The following MRTFA variants were observed in gnomAD, a reference collection of about 807,000 sequenced individuals.
The protein encoded by MRTFA is myocardin related transcription factor A.
In MRTFA, 20 loss-of-function variants were observed where a neutral mutation model predicts 83.5. The ratio of observed to expected loss-of-function variants is 0.24; its 90% CI spans 0.17 to 0.35. MRTFA has a LOEUF of 0.35. Among genes scored for constraint, MRTFA ranks in the 10% least tolerant of loss-of-function variants. The pLI is 1.00. For synonymous variants in MRTFA, 659 were observed against 541.2 expected, an observed-to-expected ratio of 1.22 and a Z score of -3.02; for missense variants, 1,200 against 1,224.7, an observed-to-expected ratio of 0.98 and a Z score of 0.30.
chr22:40,417,364 T>A lies in MRTFA; in HGVS notation c.2494A>T (p.Met832Leu). The A allele has an allele frequency of 1.2e-6, 2 of 1,611,480 alleles. No individual in the cohort carries two copies. Among genetic ancestry groups the A allele is most frequent in the Non-Finnish European group, 1.7e-6 (2 of 1,179,738 alleles). Residue 832 changes from methionine to leucine, a missense_variant, in exon 13 of 15, where the codon ATG becomes TTG. By Grantham distance (15) the Met-to-Leu change is conservative (BLOSUM62 2). This residue lies in a region of MRTFA where 1,107 missense variants were observed against 1,041.8 expected (regional missense o/e 1.06). Coordinates refer to ENST00000355630, the MANE Select transcript of MRTFA (RefSeq NM_020831.6). ...ACCTGCTGTTTGGGCTGCTGGCTCA[T>A]GGCTTCCTCATAGCCAGGTGGTTCC...
intron 3 of MRTFA, among the ~76,000 whole-genome samples, chr22:40,480,418 CCT>C (rs1374291724): frequency 6.6e-6 from 1 of 151,964 alleles, no homozygotes; most frequent in Non-Finnish European, 1.5e-5. Context: ...CACCCCCACT[CCT>C]CTGTTTTAAA....
intron 3 of MRTFA, among the ~76,000 whole-genome samples, chr22:40,549,428 C>T (rs189065940): frequency 6.6e-6 from 1 of 152,230 alleles, no homozygotes. Context: ...CACAATTCAA[C>T]ATAAACAAAT....
At chr22:40,419,458 T>C in intron 11 of MRTFA, 74 bp from the exon 12 acceptor site, 1 of 1,420,336 alleles carries the variant, frequency 7.0e-7, no homozygotes, top group Non-Finnish European at 9.7e-7. Flanking sequence ...AGAAGGGCAG[T>C]CTGGGCCCCA....
chr22:40,534,413 G>A (rs893743499), intron 3 of MRTFA, among the ~76,000 whole-genome samples: 3 of 152,098 alleles, frequency 2.0e-5, no homozygotes, highest in Non-Finnish European at 2.9e-5. Flanking sequence ...TTAGACATAC[G>A]GTCTGTGAAT....
rs551594292 is a variant in MRTFA at position 40,492,741 on chromosome 22, G to C, written c.242-29455C>G. On this transcript the variant is annotated intron_variant, in intron 3 of 14. Transcript: ENST00000355630. ...AGATAAAAGATACCAAAAAGCAGAG[G>C]GGGGAGGTACCAAAGGAAAAACTCA... 9.2e-5 allele frequency among the ~76,000 whole-genome samples: 14 copies of C among 152,234 alleles called. No homozygotes were observed. In the East Asian group the frequency reaches 1.5e-3, roughly 17 times the overall value.
At chr22:40,536,866 G>A (rs148217948) in intron 3 of MRTFA, among the ~76,000 whole-genome samples, 11,336 of 27,806 alleles carry the variant, frequency 0.41, 2,009 homozygotes, top group African/African-American at 0.52. Context: ...CCCTCTGCCT[G>A]GCAACCACCC....
intron 2 of MRTFA, among the ~76,000 whole-genome samples, chr22:40,571,026 CAAAAAAAAAAAAAAAAAA>C (rs71199292): frequency 0.054 from 2,548 of 46,952 alleles, 149 homozygotes; most frequent in African/African-American, 0.21. Flanking sequence ...CCTGTCTCTA[CAAAAAAAAAAAAAAAAAA>C]AAAAAAAAAA....
chr22:40,446,070 A>G (rs945487033), intron 4 of MRTFA, among the ~76,000 whole-genome samples: 1 of 152,182 alleles, frequency 6.6e-6, no homozygotes, highest in East Asian at 1.9e-4. Flanking sequence ...TCTTAACATC[A>G]AGGGGCATAT....
chr22:40,584,734 A>G (rs1413057793), intron 2 of MRTFA, among the ~76,000 whole-genome samples: 1 of 150,582 alleles, frequency 6.6e-6, no homozygotes, highest in East Asian at 2.0e-4. Flanking sequence ...CTGTCTCAAA[A>G]AAAAAAAAAA....
chr22:40,416,858 T>C lies in MRTFA; in HGVS notation c.2578+128A>G, dbSNP rs2052690720. The stretch of plus-strand genomic sequence containing the variant: ...AGACGGGAGGGCTCACAGCCACCAC[T>C]GCATCCACAGTGCTTGCCCAAGACT... On this transcript the variant is annotated intron_variant, in intron 14 of 14. Coordinates refer to ENST00000355630, the MANE Select transcript of MRTFA (RefSeq NM_020831.6). The surrounding 1 kb of genome is among the most constrained non-coding windows in gnomAD (Gnocchi z 4.2). The C allele has an allele frequency of 2.3e-6, 2 of 864,558 alleles. No individual in the cohort carries two copies. Among genetic ancestry groups the C allele is most frequent in the East Asian group, 5.3e-5 (2 of 37,462 alleles). The allele number at this position is 864,558 out of a possible 1,614,324, so 53.6% of individuals were successfully genotyped here. A position where few individuals can be genotyped will look rare whatever the true frequency, so the allele number is the denominator to read the frequency against.
chr22:40,439,504 CAAAAAAAAAAA>C (rs756033541), intron 4 of MRTFA, among the ~76,000 whole-genome samples: 329 of 32,156 alleles, frequency 0.01, 6 homozygotes, highest in Middle Eastern at 0.1. Context: ...GACTCTGTCT[CAAAAAAAAAAA>C]AAAAAAAAAA....
At chr22:40,452,666 C>T (rs1286141299) in intron 4 of MRTFA, among the ~76,000 whole-genome samples, 2 of 151,794 alleles carry the variant, frequency 1.3e-5, no homozygotes, top group African/African-American at 2.4e-5. Flanking sequence ...AAAAATTAGC[C>T]GGGCGTGGGT....
At chr22:40,518,914 A>C (rs753968857) in intron 3 of MRTFA, among the ~76,000 whole-genome samples, 25 of 151,738 alleles carry the variant, frequency 1.6e-4, no homozygotes, top group Non-Finnish European at 2.8e-4. Context: ...ATTCTTACAA[A>C]ATCCACTTAG....
chr22:40,516,422 G>GAAAAAAAAAAAAAAAAAAAAA (rs56745896), intron 3 of MRTFA, among the ~76,000 whole-genome samples: 2 of 47,016 alleles, frequency 4.3e-5, no homozygotes, highest in Admixed American at 3.0e-4. Flanking sequence ...ACTGCCTCAA[G>GAAAAAAAAAAAAAAAAAAAAA]AAAAAAAAAA....
At chr22:40,584,956 G>A (rs1476026611) in intron 2 of MRTFA, among the ~76,000 whole-genome samples, 1 of 151,976 alleles carries the variant, frequency 6.6e-6, no homozygotes, top group Non-Finnish European at 1.5e-5. Flanking sequence ...GCGGTGGTAG[G>A]ATCGCTTGAA....
chr22:40,562,754 AG>A (rs1215641278), intron 2 of MRTFA, among the ~76,000 whole-genome samples: 2 of 37,946 alleles, frequency 5.3e-5, no homozygotes, highest in Non-Finnish European at 9.5e-5. Flanking sequence ...GAACGGACGG[AG>A]GGGGGAATGG....
At chr22:40,472,858 G>C (rs1481724846) in intron 3 of MRTFA, among the ~76,000 whole-genome samples, 1 of 152,204 alleles carries the variant, frequency 6.6e-6, no homozygotes, top group African/African-American at 2.4e-5. Context: ...AGAGGACAAA[G>C]AGCAGTGAAA....
At chr22:40,493,267 G>C (rs2054298815) in intron 3 of MRTFA, among the ~76,000 whole-genome samples, 1 of 152,232 alleles carries the variant, frequency 6.6e-6, no homozygotes, top group Admixed American at 6.5e-5. Context: ...GCTGGAACCA[G>C]ATGTGCCACC....
chr22:40,634,417 T>G (rs1177312793), intron 1 of MRTFA, among the ~76,000 whole-genome samples: 1 of 152,226 alleles, frequency 6.6e-6, no homozygotes, highest in Non-Finnish European at 1.5e-5. Context: ...TCCAAGCTGT[T>G]ATTTCTCTTT....
Sources: allele counts gnomAD v4.1 joint callset (sites outside exome capture counted in the v4.1 genomes callset), GRCh38; gene constraint gnomAD v4.1.1; regional missense constraint gnomAD v4.1.1; non-coding constraint Gnocchi (gnomAD v3.1); transcripts MANE v1.5; gene names NCBI Gene and HGNC (gene_info 2026-07-23, HGNC 2026-07-21).